The following PTGIS variants were observed in gnomAD, a reference collection of about 807,000 sequenced individuals.
PTGIS encodes prostaglandin I2 synthase.
Under a neutral mutation model 50.3 loss-of-function variants are expected in PTGIS, and 45 were observed. The observed-to-expected ratio is 0.90, with a 90% CI of 0.70 to 1.15. The LOEUF is 1.15. Ranked by LOEUF, PTGIS falls within the 50% of genes most tolerant of loss-of-function variation. The probability of loss-of-function intolerance (pLI) is 0.00; values close to 1 mark genes in which losing one functional copy is unlikely to be tolerated. For synonymous variants in PTGIS, 260 were observed against 267.7 expected, an observed-to-expected ratio of 0.97 and a Z score of 0.28; for missense variants, 668 against 661.3, an observed-to-expected ratio of 1.01 and a Z score of -0.11.
intron 5 of PTGIS, among the ~76,000 whole-genome samples, chr20:49,538,204 G>C (rs1018576250): frequency 1.2e-4 from 17 of 142,538 alleles, no homozygotes; most frequent in African/African-American, 4.4e-4. Context: ...GCAGTGAGCC[G>C]AGATCGCACC....
chr20:49,511,512 A>C (rs1395648917), intron 8 of PTGIS, among the ~76,000 whole-genome samples: 2 of 152,202 alleles, frequency 1.3e-5, no homozygotes, highest in African/African-American at 2.4e-5. Flanking sequence ...CGCAAGGCAC[A>C]CTCCAAACCT....
chr20:49,560,336 A>G (rs1982738512), intron 1 of PTGIS, among the ~76,000 whole-genome samples: 1 of 152,158 alleles, frequency 6.6e-6, no homozygotes, highest in Non-Finnish European at 1.5e-5. Context: ...AGTAGCTGGC[A>G]CTATATATAG....
chr20:49,558,328 A>G (rs1982673003), intron 1 of PTGIS, among the ~76,000 whole-genome samples: 1 of 152,212 alleles, frequency 6.6e-6, no homozygotes. Context: ...GGTGGAAGCT[A>G]TAATGAGCTG....
intron 5 of PTGIS, 34 bp downstream of exon 5, chr20:49,539,536 C>G (rs753262592): frequency 1.2e-6 from 2 of 1,602,840 alleles, no homozygotes; most frequent in Non-Finnish European, 8.5e-7. Flanking sequence ...TTTCCATCCT[C>G]CCCCCCACCC....
At chr20:49,517,244 C>A (rs1363965303) in intron 6 of PTGIS, among the ~76,000 whole-genome samples, 1 of 152,216 alleles carries the variant, frequency 6.6e-6, no homozygotes, top group Non-Finnish European at 1.5e-5. Flanking sequence ...CAGGCAAATG[C>A]GGATGATAAA....
chr20:49,531,131 T>C (rs937410591), intron 5 of PTGIS, among the ~76,000 whole-genome samples: 4 of 152,242 alleles, frequency 2.6e-5, no homozygotes, highest in Non-Finnish European at 4.4e-5. Context: ...ATATCGGGTA[T>C]GTGGTTTGTA....
chr20:49,533,253 C>T (rs1981981539), intron 5 of PTGIS, among the ~76,000 whole-genome samples: 1 of 152,146 alleles, frequency 6.6e-6, no homozygotes. Flanking sequence ...TGTGTTTTAC[C>T]TTTGAAATGC....
intron 1 of PTGIS, among the ~76,000 whole-genome samples, chr20:49,560,144 G>C (rs762000961): frequency 5.3e-5 from 8 of 151,850 alleles, no homozygotes; most frequent in Non-Finnish European, 1.0e-4. Context: ...GGCTGGTCTT[G>C]AACTCCTGAC....
intron 1 of PTGIS, among the ~76,000 whole-genome samples, chr20:49,554,445 G>T (rs1386676807): frequency 6.6e-6 from 1 of 152,090 alleles, no homozygotes; most frequent in Non-Finnish European, 1.5e-5. Flanking sequence ...TAAAGTCCTG[G>T]TGCTGTTTAG....
In PTGIS at chr20:49,568,128, C is replaced by CGGGGCTGGA. The variant is rs1484150444; in HGVS notation, c.-13_-12insTCCAGCCCC. The CGGGGCTGGA allele has an allele frequency of 1.8e-6, 2 of 1,118,006 alleles. No individual in the cohort carries two copies. Among genetic ancestry groups the CGGGGCTGGA allele is most frequent in the South Asian group, 2.3e-5 (1 of 43,878 alleles). The allele number at this position is 1,118,006 out of a possible 1,614,324, so 69.3% of individuals were successfully genotyped here. A position where few individuals can be genotyped will look rare whatever the true frequency, so the allele number is the denominator to read the frequency against. The stretch of plus-strand genomic sequence containing the variant: ...GCGGCCCAAGCCATCGCGGGGCTGG[C>CGGGGCTGGA]GGGGCTGGCGGGGCTGGCGGGGCTG... On this transcript the variant is annotated 5_prime_UTR_variant, in exon 1 of 10. Coordinates refer to ENST00000244043, the MANE Select transcript of PTGIS (RefSeq NM_000961.4).
chr20:49,534,963 G>A (rs1049129320), intron 5 of PTGIS, among the ~76,000 whole-genome samples: 2 of 152,108 alleles, frequency 1.3e-5, no homozygotes, highest in African/African-American at 4.8e-5. Context: ...CCGAGGTCTC[G>A]CTACTGCACT....
intron 5 of PTGIS, among the ~76,000 whole-genome samples, chr20:49,535,886 G>T (rs1982056063): frequency 6.6e-6 from 1 of 152,188 alleles, no homozygotes; most frequent in Non-Finnish European, 1.5e-5. Context: ...GCTGGAGTTT[G>T]TTTTATTATT....
chr20:49,538,209 C>G (rs963882444), intron 5 of PTGIS, among the ~76,000 whole-genome samples: 5 of 142,190 alleles, frequency 3.5e-5, no homozygotes, highest in African/African-American at 1.1e-4. Context: ...GAGCCGAGAT[C>G]GCACCACTGC....
chr20:49,519,831 C>G (rs1981600864), intron 6 of PTGIS, among the ~76,000 whole-genome samples: 1 of 152,112 alleles, frequency 6.6e-6, no homozygotes, highest in East Asian at 1.9e-4. Flanking sequence ...CCCCAAGGTC[C>G]CATCCAACAG....
intron 3 of PTGIS, among the ~76,000 whole-genome samples, chr20:49,547,398 A>T (rs1982385426): frequency 6.6e-6 from 1 of 152,198 alleles, no homozygotes; most frequent in Non-Finnish European, 1.5e-5. Context: ...GACTAATGAG[A>T]TAATGCATGC....
intron 6 of PTGIS, 35 bp downstream of exon 6, chr20:49,524,023 C>T (rs1981725471): frequency 6.2e-7 from 1 of 1,613,112 alleles, no homozygotes; most frequent in African/African-American, 1.3e-5. Flanking sequence ...CACACATGCA[C>T]ACCTGCACAC....
At chr20:49,555,258 G>T (rs1162888549) in intron 1 of PTGIS, among the ~76,000 whole-genome samples, 2 of 140,532 alleles carry the variant, frequency 1.4e-5, no homozygotes, top group Non-Finnish European at 3.1e-5. Context: ...GGGCGACAAA[G>T]TGAGAGTGTC....
At chr20:49,536,484 T>C (rs967908038) in intron 5 of PTGIS, among the ~76,000 whole-genome samples, 6 of 140,140 alleles carry the variant, frequency 4.3e-5, no homozygotes, top group East Asian at 2.0e-4. Flanking sequence ...CTTTCTTTTT[T>C]TTTTTTTTTT....
intron 1 of PTGIS, among the ~76,000 whole-genome samples, chr20:49,553,216 G>T (rs1295736175): frequency 6.6e-6 from 1 of 151,982 alleles, no homozygotes; most frequent in Non-Finnish European, 1.5e-5. Flanking sequence ...TTTGGCATGA[G>T]GATTATGAAG....
Sources: gnomAD v4.1 joint callset for allele counts (sites outside exome capture counted in the v4.1 genomes callset) on GRCh38, gnomAD v4.1.1 for gene constraint, MANE v1.5 for transcripts, NCBI Gene and HGNC (gene_info 2026-07-23, HGNC 2026-07-21) for gene names.